The following ANAPC1 variants were observed in gnomAD, a reference collection of about 807,000 sequenced individuals.
The protein encoded by ANAPC1 is anaphase promoting complex subunit 1.
A neutral mutation model predicts 208.0 loss-of-function variants in ANAPC1; 36 were observed. The ratio of observed to expected loss-of-function variants is 0.17; its 90% CI spans 0.13 to 0.23. The LOEUF (loss-of-function observed/expected upper bound fraction) is 0.23, where lower values mean the gene tolerates loss of function less well. Among genes scored for constraint, ANAPC1 ranks in the 10% least tolerant of loss-of-function variants. ANAPC1 has a pLI of 1.00. For missense variants in ANAPC1, 942 were observed against 2,011.6 expected, an observed-to-expected ratio of 0.47 and a Z score of 10.17; for synonymous variants, 378 against 695.2, an observed-to-expected ratio of 0.54 and a Z score of 7.18.
intron 39 of ANAPC1, among the ~76,000 whole-genome samples, chr2:111,787,784 G>A (rs920741406): frequency 9.0e-5 from 13 of 145,206 alleles, no homozygotes; most frequent in Non-Finnish European, 9.0e-5. Context: ...TTCTTGTCCC[G>A]TCTATGTCAT....
intron 34 of ANAPC1, among the ~76,000 whole-genome samples, chr2:111,796,953 A>G (rs1678194471): frequency 6.7e-6 from 1 of 149,072 alleles, no homozygotes; most frequent in South Asian, 2.2e-4. Context: ...GAGAGATGTT[A>G]TTCTATACTA....
rs142014567 is a variant in ANAPC1, at chr2:111,869,117, C to G, written c.612-1021G>C. Among the ~76,000 whole-genome samples, 855 of 152,320 alleles carry G rather than the reference C, an allele frequency of 5.6e-3. 9 individuals carry two copies. Among genetic ancestry groups the G allele is most frequent in the African/African-American group, 0.02 (816 of 41,578 alleles). The stretch of plus-strand genomic sequence containing the variant: ...GCTTATATACATTTAGCTACTTTAA[C>G]TTTGCATAAGTCCTAAGAGGTAAAT... On this transcript the variant is annotated intron_variant, in intron 6 of 47. Transcript: ENST00000341068.
At position 111,847,339 on chromosome 2, in the gene ANAPC1, C is replaced by A. The variant is rs1429192863; in HGVS notation, c.1792-141G>T. On this transcript the variant is annotated intron_variant, in intron 15 of 47. Coordinates refer to ENST00000341068, the MANE Select transcript of ANAPC1 (RefSeq NM_022662.4). ...AATTTTCAAACAGAAATGAACACTT[C>A]CGAATTTCAGAAACTTTAAATGTAA... 3.4e-5 allele frequency: 22 copies of A among 640,884 alleles called. 2 individuals are homozygous for A. Among genetic ancestry groups the A allele is most frequent in the African/African-American group, 2.3e-4 (12 of 53,212 alleles). 39.7% of individuals were successfully genotyped at this position (640,884 alleles called of 1,614,324 possible). A position where few individuals can be genotyped will look rare whatever the true frequency, so the allele number is the denominator to read the frequency against.
intron 3 of ANAPC1, among the ~76,000 whole-genome samples, chr2:111,875,466 T>G (rs1237928187): frequency 3.3e-5 from 5 of 152,220 alleles, no homozygotes. Flanking sequence ...TTATCCCTGA[T>G]ATCTAAGAGA....
At chr2:111,821,001 G>A in intron 26 of ANAPC1, among the ~76,000 whole-genome samples, 1 of 150,088 alleles carries the variant, frequency 6.7e-6, no homozygotes, top group African/African-American at 2.5e-5. Flanking sequence ...TATTTCAAGA[G>A]GAGGACGATA....
intron 26 of ANAPC1, 47 bp downstream of exon 26, chr2:111,821,192 T>G: frequency 6.3e-7 from 1 of 1,592,980 alleles, no homozygotes; most frequent in South Asian, 1.1e-5. Flanking sequence ...AAGACACAAA[T>G]GTAACAATGA....
chr2:111,806,146 T>G (rs1678663370), intron 29 of ANAPC1, among the ~76,000 whole-genome samples: 1 of 145,778 alleles, frequency 6.9e-6, no homozygotes, highest in African/African-American at 2.5e-5. Flanking sequence ...ACTGTGAAAC[T>G]TTGAGTCTTA....
At chr2:111,840,099 A>C (rs1241000848) in intron 17 of ANAPC1, among the ~76,000 whole-genome samples, 1 of 152,228 alleles carries the variant, frequency 6.6e-6, no homozygotes, top group Non-Finnish European at 1.5e-5. Flanking sequence ...AAGGAAAAAA[A>C]CAGCAGCCCG....
At chr2:111,778,802 G>T in intron 44 of ANAPC1, 32 bp from the exon 45 acceptor site, 1 of 1,609,496 alleles carries the variant, frequency 6.2e-7, no homozygotes, top group Non-Finnish European at 8.5e-7. Context: ...GTAGCACAAA[G>T]TATATTCCAA....
At chr2:111,832,955 A>AAAAAAAAAAAAAAAAC (rs1680236852) in intron 20 of ANAPC1, among the ~76,000 whole-genome samples, 1 of 150,298 alleles carries the variant, frequency 6.7e-6, no homozygotes, top group Non-Finnish European at 1.5e-5. Flanking sequence ...AAAAAAAAAA[A>AAAAAAAAAAAAAAAAC]AGCATCCTTG....
At chr2:111,817,502 C>A (rs933838808) in intron 27 of ANAPC1, among the ~76,000 whole-genome samples, 18 of 151,824 alleles carry the variant, frequency 1.2e-4, no homozygotes, top group African/African-American at 4.1e-4. Flanking sequence ...ACCTCTGAGA[C>A]AATTTAAATA....
At chr2:111,868,796 G>C (rs1165535265) in intron 6 of ANAPC1, among the ~76,000 whole-genome samples, 1 of 152,184 alleles carries the variant, frequency 6.6e-6, no homozygotes, top group South Asian at 2.1e-4. Context: ...GCCTCCCAGA[G>C]TGCTGGGATT....
intron 16 of ANAPC1, among the ~76,000 whole-genome samples, chr2:111,846,223 T>C (rs1681052121): frequency 6.6e-6 from 1 of 151,920 alleles, no homozygotes. Context: ...TTTTGTTTAC[T>C]ATGCTATGTT....
intron 7 of ANAPC1, among the ~76,000 whole-genome samples, chr2:111,867,323 C>T (rs1426896650): frequency 1.3e-5 from 2 of 151,928 alleles, no homozygotes; most frequent in Non-Finnish European, 2.9e-5. Flanking sequence ...CCATTCTTAG[C>T]TCACAAGCTT....
rs764656708 is a variant in ANAPC1 at position 111,825,774 on chromosome 2, T to C, written c.2704+3A>G. ...TTCCAGAGGCAACATTGCACCAACT[T>C]ACCTATAGTTATTCTGGTTAAATAC... On this transcript the variant is annotated splice_donor_region_variant and intron_variant, in intron 22 of 47. Transcript: ENST00000341068. 5 of 1,613,006 alleles carry C rather than the reference T, an allele frequency of 3.1e-6. No individual in the cohort carries two copies. The Admixed American group carries it at 5.0e-5, about 16-fold the overall frequency.
intron 19 of ANAPC1, 119 bp downstream of exon 19, chr2:111,834,485 C>G: frequency 8.1e-7 from 1 of 1,230,066 alleles, no homozygotes; most frequent in African/African-American, 1.5e-5. Context: ...CCCTAGTTTT[C>G]TGAGAAGGTA....
At chr2:111,838,845 A>G (rs1283394820) in intron 17 of ANAPC1, among the ~76,000 whole-genome samples, 1 of 152,214 alleles carries the variant, frequency 6.6e-6, no homozygotes, top group Non-Finnish European at 1.5e-5. Flanking sequence ...AGGCATATCC[A>G]CAATATACCA....
intron 14 of ANAPC1, among the ~76,000 whole-genome samples, chr2:111,849,091 C>A (rs1372159491): frequency 1.3e-5 from 2 of 152,198 alleles, no homozygotes; most frequent in East Asian, 1.9e-4. Flanking sequence ...CTTGTCAACA[C>A]TGACAATCAA....
intron 19 of ANAPC1, among the ~76,000 whole-genome samples, chr2:111,833,762 A>G (rs1680317672): frequency 6.6e-6 from 1 of 151,672 alleles, no homozygotes; most frequent in Non-Finnish European, 1.5e-5. Flanking sequence ...TTTGGAAATT[A>G]CTTAATTACA....
Sources: allele counts gnomAD v4.1 joint callset (sites outside exome capture counted in the v4.1 genomes callset), GRCh38; gene constraint gnomAD v4.1.1; transcripts MANE v1.5; gene names NCBI Gene and HGNC (gene_info 2026-07-23, HGNC 2026-07-21).